Variants in KIAA1549L observed in about 807,000 individuals in gnomAD.
KIAA1549L encodes UPF0606 protein KIAA1549L.
A neutral mutation model predicts 160.7 loss-of-function variants in KIAA1549L; 88 were observed. The observed-to-expected ratio is 0.55, with a 90% confidence interval of 0.46 to 0.65. The LOEUF (loss-of-function observed/expected upper bound fraction) is 0.65. Ranked by LOEUF, KIAA1549L falls within the 30% of genes least tolerant of loss-of-function variation. The pLI is 0.00. For synonymous variants in KIAA1549L, 950 were observed against 976.7 expected (o/e 0.97, Z 0.51); for missense variants, 2,258 against 2,437.5 (o/e 0.93, Z 1.55).
chr11:33,668,048 A>T lies in KIAA1549L; in HGVS notation c.6335A>T (p.Asp2112Val), dbSNP rs951249561. The T allele has an allele frequency of 6.8e-6, 11 of 1,613,890 alleles. No individual in the cohort carries two copies. Among genetic ancestry groups the T allele is most frequent in the Non-Finnish European group, 9.3e-6 (11 of 1,179,900 alleles). ...AGCCTGGCAGAAAACGACCCGTCTG[A>T]CGCTCCCCTGACCAACATCTCCACT... ...QQSLAENDPS[D>V]APLTNISTAA... The change falls in exon 21 of 21, where the codon GAC (aspartate) becomes GTC (valine). Residue 2112 changes from aspartate (D) to valine (V), a missense_variant. By Grantham distance (152) the Asp-to-Val change is radical. Coordinates refer to ENST00000658780, the MANE Select transcript of KIAA1549L (RefSeq NM_012194.3).
chr11:33,440,560 A>T (rs185363178), intron 1 of KIAA1549L, among the ~76,000 whole-genome samples: 2 of 152,226 alleles, frequency 1.3e-5, no homozygotes, highest in Admixed American at 6.5e-5. Context: ...TTTATACAAT[A>T]TATGTAATTA....
At chr11:33,462,747 A>C (rs1012306357) in intron 1 of KIAA1549L, among the ~76,000 whole-genome samples, 8 of 151,596 alleles carry the variant, frequency 5.3e-5, no homozygotes, top group African/African-American at 1.9e-4. Context: ...TGATAATATC[A>C]TGTTTCCTTG....
intron 1 of KIAA1549L, among the ~76,000 whole-genome samples, chr11:33,497,316 A>G (rs1408099743): frequency 1.3e-5 from 2 of 152,220 alleles, no homozygotes; most frequent in African/African-American, 2.4e-5. Flanking sequence ...TGCAGCCTCA[A>G]CATTCACCAA....
At chr11:33,436,702 A>C (rs1393141162) in intron 1 of KIAA1549L, among the ~76,000 whole-genome samples, 8 of 152,222 alleles carry the variant, frequency 5.3e-5, no homozygotes, top group Non-Finnish European at 4.4e-5. Context: ...TCAAGGTCAC[A>C]TGCTGGTAAT....
intron 7 of KIAA1549L, among the ~76,000 whole-genome samples, 187 bp from the exon 8 acceptor site, chr11:33,561,488 GC>G (rs1854856937): frequency 6.6e-6 from 1 of 152,112 alleles, no homozygotes; most frequent in Admixed American, 6.5e-5. Flanking sequence ...TTTCAAATAA[GC>G]CAGGTGCCAT....
At chr11:33,427,890 T>A (rs1851152244) in intron 1 of KIAA1549L, among the ~76,000 whole-genome samples, 1 of 152,260 alleles carries the variant, frequency 6.6e-6, no homozygotes, top group South Asian at 2.1e-4. Context: ...TATGTGAACT[T>A]AATTCATTTA....
intron 1 of KIAA1549L, among the ~76,000 whole-genome samples, chr11:33,496,151 ATGGGG>A (rs1262016312): frequency 1.3e-5 from 2 of 152,052 alleles, no homozygotes; most frequent in African/African-American, 4.8e-5. Context: ...TTTAGTAGAG[ATGGGG>A]TTTTGCCATG....
chr11:33,520,561 A>G (rs1012226341), intron 1 of KIAA1549L, among the ~76,000 whole-genome samples: 2 of 152,150 alleles, frequency 1.3e-5, no homozygotes, highest in African/African-American at 4.8e-5. Context: ...AAGGGCATTA[A>G]CAAAACAATA....
At chr11:33,612,525 G>A (rs191323643) in intron 15 of KIAA1549L, among the ~76,000 whole-genome samples, 2 of 152,130 alleles carry the variant, frequency 1.3e-5, no homozygotes, top group African/African-American at 4.8e-5. Flanking sequence ...CCAGAGTGCT[G>A]GGATTACAGG....
intron 17 of KIAA1549L, among the ~76,000 whole-genome samples, chr11:33,655,588 G>T (rs1372380669): frequency 2.0e-5 from 3 of 152,144 alleles, no homozygotes; most frequent in African/African-American, 7.2e-5. Context: ...ACTCTAGTTG[G>T]TGGCAGATCG....
chr11:33,609,616 G>A, intron 14 of KIAA1549L, 133 bp from the exon 15 acceptor site: 5 of 670,746 alleles, frequency 7.5e-6, no homozygotes, highest in Non-Finnish European at 1.3e-5. Context: ...GATGCAGGTG[G>A]GCCTGGCTAG....
Position 33,624,713 on chromosome 11 carries a change from G to A in KIAA1549L, c.5409+6051G>A, listed in dbSNP as rs925340251. On this transcript the variant is annotated intron_variant, in intron 16 of 20. Transcript: ENST00000658780. Reference sequence around the variant, plus strand: ...CAGGGCCACATAGGCTACACCAAGTGGACGATTTAAGAGATTTTCTTTTTT... The same window carrying A: ...CAGGGCCACATAGGCTACACCAAGTAGACGATTTAAGAGATTTTCTTTTTT... 5.9e-5 allele frequency among the ~76,000 whole-genome samples: 9 copies of A among 151,308 alleles called. No homozygotes were observed. In the East Asian group the frequency reaches 7.7e-4, roughly 13 times the overall value.
At chr11:33,409,988 G>A (rs1590226489) in intron 1 of KIAA1549L, among the ~76,000 whole-genome samples, 4 of 152,020 alleles carry the variant, frequency 2.6e-5, no homozygotes, top group Admixed American at 2.6e-4. Context: ...TTTTTCTGAC[G>A]TTTCTCTGTG....
intron 17 of KIAA1549L, among the ~76,000 whole-genome samples, chr11:33,647,832 A>G (rs1232977347): frequency 6.6e-6 from 1 of 152,142 alleles, no homozygotes; most frequent in East Asian, 1.9e-4. Context: ...TGAAAACTTA[A>G]ATGGTTCTGC....
chr11:33,412,380 G>A (rs1330069112), intron 1 of KIAA1549L, among the ~76,000 whole-genome samples: 1 of 152,164 alleles, frequency 6.6e-6, no homozygotes, highest in East Asian at 1.9e-4. Context: ...TATTGTTCTT[G>A]GGAGCTGTTT....
intron 1 of KIAA1549L, among the ~76,000 whole-genome samples, chr11:33,423,286 T>C (rs1851056070): frequency 6.6e-6 from 1 of 152,206 alleles, no homozygotes; most frequent in Non-Finnish European, 1.5e-5. Context: ...TCTGCTAAAA[T>C]TGAGGCAAGA....
chr11:33,487,605 C>T (rs981497236), intron 1 of KIAA1549L, among the ~76,000 whole-genome samples: 6 of 151,950 alleles, frequency 3.9e-5, no homozygotes, highest in East Asian at 1.9e-4. Flanking sequence ...AACATCGATT[C>T]GTACTGTGAA....
intron 1 of KIAA1549L, among the ~76,000 whole-genome samples, chr11:33,526,581 C>T (rs1853617176): frequency 6.6e-6 from 1 of 152,220 alleles, no homozygotes; most frequent in Non-Finnish European, 1.5e-5. Flanking sequence ...ATAACAATCA[C>T]TGCAGTCTGT....
At chr11:33,414,693 A>G (rs1850853771) in intron 1 of KIAA1549L, among the ~76,000 whole-genome samples, 1 of 152,188 alleles carries the variant, frequency 6.6e-6, no homozygotes, top group Non-Finnish European at 1.5e-5. Flanking sequence ...GACCTTTCCC[A>G]ATTTGGTAGT....
Sources: allele counts gnomAD v4.1 joint callset (sites outside exome capture counted in the v4.1 genomes callset), GRCh38; gene constraint gnomAD v4.1.1; transcripts MANE v1.5; gene names NCBI Gene and HGNC (gene_info 2026-07-23, HGNC 2026-07-21).